The following NCF1 variants were observed in gnomAD, a reference collection of about 807,000 sequenced individuals.
NCF1 encodes neutrophil cytosol factor 1.
In NCF1, 8 loss-of-function variants were observed where a neutral mutation model predicts 34.9. That is an observed-to-expected ratio of 0.23 (90% CI 0.13 to 0.41). The LOEUF is 0.41. Ranked by LOEUF, NCF1 falls within the 10% of genes least tolerant of loss-of-function variation. The pLI, the probability that NCF1 is intolerant of heterozygous loss-of-function variation, is 1.00. For missense variants in NCF1, 122 were observed against 362.4 expected (o/e 0.34, Z 5.39); for synonymous variants, 57 against 146.3 (o/e 0.39, Z 4.41).
intron 8 of NCF1, among the ~76,000 whole-genome samples, chr7:74,787,426 G>C (rs1554414695): frequency 6.6e-6 from 1 of 152,138 alleles, no homozygotes; most frequent in African/African-American, 2.4e-5. Context: ...GGCAACAAGA[G>C]CAAAACTCTG....
At chr7:74,787,592 C>T (rs1310987256) in intron 8 of NCF1, among the ~76,000 whole-genome samples, 5 of 151,862 alleles carry the variant, frequency 3.3e-5, no homozygotes, top group East Asian at 1.9e-4. Context: ...TTACTTTTTT[C>T]GGGAGGTAGA....
chr7:74,784,125 CTA>C (rs1452247487), intron 7 of NCF1, among the ~76,000 whole-genome samples: 2 of 149,516 alleles, frequency 1.3e-5, no homozygotes, highest in African/African-American at 4.9e-5. Context: ...TGCGGTGGTG[CTA>C]TCTCAGCTCA....
chr7:74,777,196 G>A, intron 1 of NCF1, 71 bp from the exon 2 acceptor site: 3 of 1,059,748 alleles, frequency 2.8e-6, no homozygotes, highest in Non-Finnish European at 4.3e-6. Flanking sequence ...GTGGGTAGTG[G>A]GATCCTGGGT....
intron 8 of NCF1, among the ~76,000 whole-genome samples, chr7:74,786,230 G>T: frequency 3.4e-5 from 2 of 59,654 alleles, no homozygotes; most frequent in South Asian, 9.9e-4. Flanking sequence ...GCAAGACCCT[G>T]TCTCAAAAAA....
chr7:74,788,604 G>C lies in NCF1; in HGVS notation c.951G>C (p.Lys317Asn), dbSNP rs587641296. Reference sequence around the variant, plus strand: ...ACAGCATCCACCAGCGGTCGCGGAAGCGCCTCAGCCAGGACGCCTATCGCC... The same window carrying C: ...ACAGCATCCACCAGCGGTCGCGGAACCGCCTCAGCCAGGACGCCTATCGCC... The part of the protein sequence containing the change: ...NAHSIHQRSR[K>N]RLSQDAYRRN... The change falls in exon 10 of 11, where the codon AAG (lysine) becomes AAC (asparagine). Residue 317 changes from lysine (K) to asparagine (N), a missense_variant. Transcript: ENST00000289473. 1.3e-4 allele frequency: 207 copies of C among 1,552,222 alleles called. 1 individual carries two copies. In the African/African-American group the frequency reaches 2.5e-3, roughly 19 times the overall value.
chr7:74,782,791 G>A, intron 5 of NCF1, 148 bp from the exon 6 acceptor site: 1 of 908,714 alleles, frequency 1.1e-6, no homozygotes, highest in South Asian at 1.4e-5. Flanking sequence ...TGAGAACAAG[G>A]ACATGTTTGA....
intron 5 of NCF1, chr7:74,781,535 G>GT (rs2131603678): frequency 6.8e-6 from 1 of 147,746 alleles, no homozygotes; most frequent in East Asian, 2.0e-4. Flanking sequence ...CCACTATTTT[G>GT]TTTTTGTTGT....
Position 74,782,939 on chromosome 7 carries a change from A to G in NCF1, c.452A>G (p.Asp151Gly). The G allele has an allele frequency of 6.2e-7, 1 of 1,609,914 alleles. No homozygotes were observed. Among genetic ancestry groups the G allele is most frequent in the East Asian group, 2.2e-5 (1 of 44,726 alleles). ...CACCCTGCCCTCCCTCTTGCCCCAG[A>G]CATCACCGGCCCCATCATCCTGCAG... Reference protein sequence around the residue: ...MPKDGKSTATDITGPIILQTY... With the variant: ...MPKDGKSTATGITGPIILQTY... Residue 151 changes from aspartate to glycine, a missense_variant and splice_region_variant, in exon 6 of 11, where the codon GAC becomes GGC. Transcript: ENST00000289473.
chr7:74,775,983 G>A (rs1796463780), intron 1 of NCF1, among the ~76,000 whole-genome samples: 1 of 105,818 alleles, frequency 9.5e-6, no homozygotes, highest in African/African-American at 3.9e-5. Flanking sequence ...GTCTTACTCT[G>A]TCACCCAGGC....
rs587688879 is a variant in NCF1 at position 74,788,716 on chromosome 7, G to C, written c.1051+12G>C. The stretch of plus-strand genomic sequence containing the variant: ...CGGGAGCCCGCTCGGTGAGTGCAGC[G>C]GGAGAGGGCAGGAAGGGCAAGCCCT... On this transcript the variant is annotated intron_variant, in intron 10 of 10. Transcript: ENST00000289473. The C allele has an allele frequency of 3.9e-5, 61 of 1,550,618 alleles. 1 individual carries two copies. The East Asian group carries it at 9.0e-4, about 23-fold the overall frequency.
chr7:74,786,474 C>T (rs1309783049), intron 8 of NCF1, among the ~76,000 whole-genome samples: 2 of 152,076 alleles, frequency 1.3e-5, no homozygotes, highest in Non-Finnish European at 2.9e-5. Context: ...GGAGCACAAT[C>T]ATCGCTCACT....
In NCF1 at chr7:74,788,713, A is replaced by C. The variant is rs782427361; in HGVS notation, c.1051+9A>C. On this transcript the variant is annotated intron_variant, in intron 10 of 10. Coordinates refer to ENST00000289473, the MANE Select transcript of NCF1 (RefSeq NM_000265.7). ...CCCCGGGAGCCCGCTCGGTGAGTGC[A>C]GCGGGAGAGGGCAGGAAGGGCAAGC... is the stretch of plus-strand genomic sequence containing the variant. 7.7e-6 allele frequency: 12 copies of C among 1,548,966 alleles called. No homozygotes were observed. In the South Asian group the frequency reaches 1.3e-4, roughly 17 times the overall value.
chr7:74,786,128 AG>A (rs1796668834), intron 8 of NCF1, among the ~76,000 whole-genome samples: 1 of 91,366 alleles, frequency 1.1e-5, no homozygotes, highest in Non-Finnish European at 2.2e-5. Flanking sequence ...CCAGCTACTC[AG>A]GAGGCTGAGG....
At position 74,777,314 on chromosome 7, in the gene NCF1, C is replaced by T. The variant is rs1554413136; in HGVS notation, c.120C>T (p.Val40=). 6.5e-7 allele frequency: 1 copy of T among 1,549,626 alleles called. No homozygotes were observed. The highest frequency in any genetic ancestry group is 8.7e-7 in the Non-Finnish European group (1 of 1,147,804). Residue 40 remains valine (V), a synonymous_variant, in exon 2 of 11, where the codon GTC becomes GTT. Transcript: ENST00000289473. Reference sequence around the variant, plus strand: ...GGCAGGACCTGTCGGAGAAGGTGGTCTACCGGCGCTTCACCGAGATCTACG... The same window carrying T: ...GGCAGGACCTGTCGGAGAAGGTGGTTTACCGGCGCTTCACCGAGATCTACG... ...VKWQDLSEKV[V]YRRFTEIYEF...
At chr7:74,781,716 A>G (rs1796571000) in intron 5 of NCF1, 1 of 138,948 alleles carries the variant, frequency 7.2e-6, no homozygotes, top group Admixed American at 7.2e-5. Context: ...ATTTTCTGGT[A>G]GAGATGGGGT....
chr7:74,775,876 G>C (rs1278038286), intron 1 of NCF1, among the ~76,000 whole-genome samples: 2 of 150,596 alleles, frequency 1.3e-5, no homozygotes, highest in Non-Finnish European at 3.0e-5. Context: ...TGGGAATACA[G>C]GTGCGCGCCA....
At chr7:74,783,801 T>C (rs1434480267) in intron 7 of NCF1, among the ~76,000 whole-genome samples, 169 bp downstream of exon 7, 2 of 152,180 alleles carry the variant, frequency 1.3e-5, no homozygotes, top group Admixed American at 6.5e-5. Flanking sequence ...TGTGATGCCC[T>C]TGGTCTGGAC....
chr7:74,777,856 C>G (rs1554413230), intron 2 of NCF1, among the ~76,000 whole-genome samples: 1 of 114,554 alleles, frequency 8.7e-6, no homozygotes, highest in Non-Finnish European at 1.8e-5. Context: ...AAACATTTTT[C>G]CCCCTGAAAC....
intron 8 of NCF1, among the ~76,000 whole-genome samples, chr7:74,785,740 G>C (rs1337171665): frequency 2.0e-5 from 3 of 151,932 alleles, no homozygotes; most frequent in Admixed American, 1.3e-4. Context: ...AACATGAGCC[G>C]GGTGTGGTGG....
Sources: allele counts gnomAD v4.1 joint callset (sites outside exome capture counted in the v4.1 genomes callset), GRCh38; gene constraint gnomAD v4.1.1; transcripts MANE v1.5; gene names NCBI Gene and HGNC (gene_info 2026-07-23, HGNC 2026-07-21).